The following KIAA1217 variants were observed in gnomAD, a reference collection of about 807,000 sequenced individuals.
The protein encoded by KIAA1217 is sickle tail protein homolog.
Under a neutral mutation model 163.9 loss-of-function variants are expected in KIAA1217, and 88 were observed. That is an observed-to-expected ratio of 0.54 (90% confidence interval 0.45 to 0.64). The LOEUF is 0.64. Among genes scored for constraint, KIAA1217 ranks in the 30% least tolerant of loss-of-function variants. The pLI is 0.00. For missense variants in KIAA1217, 2,372 were observed against 2,475.0 expected (o/e 0.96, Z 0.88); for synonymous variants, 903 against 923.1 (o/e 0.98, Z 0.39).
chr10:23,710,469 T>C (rs1837181692), intron 1 of KIAA1217, among the ~76,000 whole-genome samples: 1 of 152,228 alleles, frequency 6.6e-6, no homozygotes, highest in Non-Finnish European at 1.5e-5. Flanking sequence ...GAAGATTGTA[T>C]TGGCTCAAGA....
intron 3 of KIAA1217, among the ~76,000 whole-genome samples, chr10:24,399,685 G>T (rs1347384926): frequency 6.6e-6 from 1 of 152,154 alleles, no homozygotes; most frequent in Non-Finnish European, 1.5e-5. Flanking sequence ...TTAATGTGAG[G>T]TTGAATGTGG....
At chr10:24,377,786 T>C (rs1772431720) in intron 2 of KIAA1217, among the ~76,000 whole-genome samples, 1 of 152,208 alleles carries the variant, frequency 6.6e-6, no homozygotes, top group Admixed American at 6.5e-5. Flanking sequence ...GCTTTCTCCA[T>C]GGTTCTTACT....
At chr10:23,846,395 T>C (rs993689724) in intron 1 of KIAA1217, among the ~76,000 whole-genome samples, 2 of 152,198 alleles carry the variant, frequency 1.3e-5, no homozygotes, top group African/African-American at 4.8e-5. Flanking sequence ...GTTTGCGTCC[T>C]CCTTTATTTC....
rs187807416 is a variant in KIAA1217 at position 23,987,293 on chromosome 10, C to T, written c.-320-19932C>T. Among the ~76,000 whole-genome samples the T allele has an allele frequency of 2.7e-5, 4 of 147,820 alleles. No homozygotes were observed. In the Admixed American group the frequency reaches 2.8e-4, roughly 10 times the overall value. ...TCCGGAGGCTGAGGCAGGAGAATGG[C>T]GTGAACCCGGGAGGCGGAGCTTGCA... On this transcript the variant is annotated intron_variant, in intron 1 of 18. Transcript: ENST00000376462.
At chr10:24,282,277 G>T (rs1262108660) in intron 2 of KIAA1217, among the ~76,000 whole-genome samples, 1 of 152,020 alleles carries the variant, frequency 6.6e-6, no homozygotes, top group Non-Finnish European at 1.5e-5. Flanking sequence ...TCATCACGAG[G>T]CTGAGGAGTC....
intron 1 of KIAA1217, among the ~76,000 whole-genome samples, chr10:24,002,321 C>G (rs1246725319): frequency 6.6e-6 from 1 of 152,186 alleles, no homozygotes; most frequent in East Asian, 1.9e-4. Flanking sequence ...AGAGCTCAGG[C>G]ATAGGTTGTC....
chr10:23,879,992 CT>C (rs1459870520), intron 1 of KIAA1217, among the ~76,000 whole-genome samples: 1 of 151,794 alleles, frequency 6.6e-6, no homozygotes, highest in Non-Finnish European at 1.5e-5. Context: ...TAGGCAAATG[CT>C]TCTGGTGGTG....
chr10:23,827,326 C>T (rs1837941525), intron 1 of KIAA1217, among the ~76,000 whole-genome samples: 2 of 152,192 alleles, frequency 1.3e-5, no homozygotes, highest in Admixed American at 1.3e-4. Flanking sequence ...TTCACTGGCT[C>T]TGTGGCAGGC....
intron 3 of KIAA1217, among the ~76,000 whole-genome samples, chr10:24,384,600 G>C (rs1210408331): frequency 6.6e-6 from 1 of 152,172 alleles, no homozygotes; most frequent in Non-Finnish European, 1.5e-5. Context: ...GCAGTGGAAC[G>C]ATCTCGGCTC....
upstream of KIAA1217, chr10:24,209,063 G>T: frequency 1.4e-6 from 1 of 693,532 alleles, no homozygotes; most frequent in African/African-American, 1.8e-5. Context: ...GTGGAAAATA[G>T]TTTGGGGTGG....
intron 1 of KIAA1217, among the ~76,000 whole-genome samples, chr10:23,875,470 A>T (rs943965721): frequency 6.6e-6 from 1 of 152,000 alleles, no homozygotes; most frequent in African/African-American, 2.4e-5. Flanking sequence ...CTTGTTCTAA[A>T]AAGTTTTCCC....
At chr10:24,385,969 A>G (rs1255288089) in intron 3 of KIAA1217, among the ~76,000 whole-genome samples, 1 of 152,168 alleles carries the variant, frequency 6.6e-6, no homozygotes, top group Admixed American at 6.5e-5. Context: ...GTGTCTGGCC[A>G]CTGCGTAGTC....
At chr10:23,711,674 G>T (rs926173229) in intron 1 of KIAA1217, among the ~76,000 whole-genome samples, 1 of 152,196 alleles carries the variant, frequency 6.6e-6, no homozygotes. Flanking sequence ...AACCTTCTGG[G>T]TGTCATCACA....
At chr10:24,260,630 A>G (rs1237030362) in intron 2 of KIAA1217, among the ~76,000 whole-genome samples, 2 of 147,532 alleles carry the variant, frequency 1.4e-5, no homozygotes, top group Non-Finnish European at 3.0e-5. Context: ...GGCACATCCC[A>G]GCTCCTTGGG....
intron 2 of KIAA1217, among the ~76,000 whole-genome samples, chr10:24,183,057 T>C (rs923660046): frequency 6.6e-6 from 1 of 152,222 alleles, no homozygotes; most frequent in Non-Finnish European, 1.5e-5. Flanking sequence ...CTGAAGGGAC[T>C]GAATTAGTGC....
intron 1 of KIAA1217, among the ~76,000 whole-genome samples, chr10:23,820,483 T>C (rs1837568009): frequency 6.6e-6 from 1 of 152,220 alleles, no homozygotes; most frequent in South Asian, 2.1e-4. Flanking sequence ...GGGCAAAATA[T>C]TCTATTGTTC....
At chr10:24,046,072 T>C (rs1287576586) in intron 2 of KIAA1217, among the ~76,000 whole-genome samples, 1 of 151,108 alleles carries the variant, frequency 6.6e-6, no homozygotes, top group African/African-American at 2.5e-5. Context: ...GACCCTAAAT[T>C]GTTTTGTCCT....
intron 2 of KIAA1217, among the ~76,000 whole-genome samples, chr10:24,092,655 A>G (rs1044140377): frequency 6.6e-6 from 1 of 151,844 alleles, no homozygotes; most frequent in African/African-American, 2.4e-5. Flanking sequence ...CCTGGCTCAA[A>G]AAACTATGTA....
chr10:24,385,445 T>C (rs538761202), intron 3 of KIAA1217, among the ~76,000 whole-genome samples: 92 of 152,302 alleles, frequency 6.0e-4, no homozygotes, highest in Admixed American at 1.0e-3. Flanking sequence ...TCGGGTGCTG[T>C]CCTGGGATGC....
Sources: gnomAD v4.1 joint callset for allele counts (sites outside exome capture counted in the v4.1 genomes callset) on GRCh38, gnomAD v4.1.1 for gene constraint, MANE v1.5 for transcripts, NCBI Gene and HGNC (gene_info 2026-07-23, HGNC 2026-07-21) for gene names.